The following CCDC61 variants were observed in gnomAD, a reference collection of about 807,000 sequenced individuals.
The protein encoded by CCDC61 is centrosomal protein CCDC61.
CCDC61 carries 55 observed loss-of-function variants against 63.0 expected under a neutral mutation model. The ratio of observed to expected loss-of-function variants is 0.87; its 90% CI spans 0.70 to 1.09. The LOEUF is 1.09. Ranked by LOEUF, CCDC61 falls within the 50% of genes least tolerant of loss-of-function variation. The probability of loss-of-function intolerance (pLI) is 0.00; values close to 1 mark genes in which losing one functional copy is unlikely to be tolerated. For missense variants in CCDC61, 651 were observed against 731.4 expected (o/e 0.89, Z 1.27); for synonymous variants, 270 against 317.0 (o/e 0.85, Z 1.58).
intron 1 of CCDC61, among the ~76,000 whole-genome samples, chr19:45,998,295 C>T (rs765544975): frequency 6.6e-6 from 1 of 152,218 alleles, no homozygotes; most frequent in Middle Eastern, 3.2e-3. Flanking sequence ...ATGCAGATTT[C>T]TGGGCCCACC....
intron 5 of CCDC61, among the ~76,000 whole-genome samples, chr19:46,014,798 GTGTGTGTGTGTCC>G (rs1226694452): frequency 1.3e-5 from 2 of 152,032 alleles, no homozygotes; most frequent in African/African-American, 4.8e-5. Flanking sequence ...GGGGAGGAGT[GTGTGTGTGTGTCC>G]TGTGCGTGGT....
chr19:46,016,909 A>C lies in CCDC61; in HGVS notation c.1231+76A>C. 4.3e-6 allele frequency: 1 copy of C among 231,804 alleles called. No homozygotes were observed. The highest frequency in any genetic ancestry group is 8.6e-6 in the Non-Finnish European group (1 of 115,866). 14.4% of individuals were successfully genotyped at this position (231,804 alleles called of 1,614,324 possible). On this transcript the variant is annotated intron_variant, in intron 10 of 13. Transcript: ENST00000595358. This position sits in a 1 kb window ranked among gnomAD's most constrained non-coding sequence, Gnocchi z 7.2. ...CTGGGCGGGCTGGGAGGCACTGGGC[A>C]GGGCGGGCGGGCTGGGAGGGCCTGG...
At chr19:46,009,712 C>T (rs866525207) in intron 5 of CCDC61, among the ~76,000 whole-genome samples, 73 of 152,320 alleles carry the variant, frequency 4.8e-4, no homozygotes, top group African/African-American at 1.7e-3. Flanking sequence ...GGAACCCCGC[C>T]GGTCTTTGGA....
At chr19:46,000,936 T>TGGCG (rs913403314) in intron 1 of CCDC61, among the ~76,000 whole-genome samples, 241 of 151,706 alleles carry the variant, frequency 1.6e-3, no homozygotes, top group African/African-American at 5.6e-3. Context: ...GGATGCGGTG[T>TGGCG]GGCGGGCCCC....
intron 4 of CCDC61, among the ~76,000 whole-genome samples, 184 bp from the exon 5 acceptor site, chr19:46,007,956 G>A (rs1206816849): frequency 1.3e-5 from 2 of 152,206 alleles, no homozygotes; most frequent in Non-Finnish European, 2.9e-5. Flanking sequence ...GCTTTCACAG[G>A]TGGTGACTGG....
chr19:46,004,056 A>G (rs1968649227), intron 3 of CCDC61, among the ~76,000 whole-genome samples: 1 of 151,836 alleles, frequency 6.6e-6, no homozygotes, highest in Non-Finnish European at 1.5e-5. Context: ...CTCCTGCCTC[A>G]GCCTCCTGAG....
In CCDC61 at chr19:46,018,020, G is replaced by A. The variant is rs1339642631; in HGVS notation, c.1369-58G>A. Reference sequence around the variant, plus strand: ...GGCTCAGGATTTCCAGTGGGATTTAGGGGGACAGAAATAGAGGGACGGTGG... The same window carrying A: ...GGCTCAGGATTTCCAGTGGGATTTAAGGGGACAGAAATAGAGGGACGGTGG... On this transcript the variant is annotated intron_variant, in intron 12 of 13. Coordinates refer to ENST00000595358, the MANE Select transcript of CCDC61 (RefSeq NM_001267723.2). The surrounding 1 kb of genome is among the most constrained non-coding windows in gnomAD (Gnocchi z 4.2). 4.1e-6 allele frequency: 6 copies of A among 1,458,692 alleles called. No individual in the cohort carries two copies. Among genetic ancestry groups the A allele is most frequent in the South Asian group, 1.3e-5 (1 of 78,486 alleles). 90.4% of individuals were successfully genotyped at this position (1,458,692 alleles called of 1,614,324 possible).
chr19:46,002,209 G>T (rs564309441), intron 1 of CCDC61, among the ~76,000 whole-genome samples: 4 of 152,176 alleles, frequency 2.6e-5, no homozygotes, highest in Non-Finnish European at 5.9e-5. Flanking sequence ...CTCCCAAAGT[G>T]CTGGGATTAC....
Position 46,018,113 on chromosome 19 carries a change from ATC to A in CCDC61, c.1408_1409del (p.Leu470GlyfsTer20), listed in dbSNP as rs1968985677. 3 of 1,610,890 alleles carry A rather than the reference ATC, an allele frequency of 1.9e-6. No homozygotes were observed. ...CCGTGGAACGCAGCCACCATCAGAA[ATC>A]TCTGGCCAACTCCGGGGGCTGGGTC... is the stretch of plus-strand genomic sequence containing the variant. ...PPVERSHHQK[S>X]LANSGGWVPI... On this transcript the variant is annotated frameshift_variant, in exon 13 of 14. Coordinates refer to ENST00000595358, the MANE Select transcript of CCDC61 (RefSeq NM_001267723.2). LOFTEE classifies it high-confidence loss of function. This position sits in a 1 kb window ranked among gnomAD's most constrained non-coding sequence, Gnocchi z 4.2.
At chr19:46,013,407 T>G (rs1968865566) in intron 5 of CCDC61, among the ~76,000 whole-genome samples, 1 of 152,044 alleles carries the variant, frequency 6.6e-6, no homozygotes, top group Non-Finnish European at 1.5e-5. Flanking sequence ...TCTGTCCGCC[T>G]TGGCCTCCCA....
At chr19:46,014,199 C>T (rs752311844) in intron 5 of CCDC61, among the ~76,000 whole-genome samples, 2 of 152,140 alleles carry the variant, frequency 1.3e-5, no homozygotes, top group Non-Finnish European at 2.9e-5. Flanking sequence ...GCCTCGGCCT[C>T]CCAAAGTGCT....
rs1968809495 is a variant in CCDC61 at position 46,010,568 on chromosome 19, G to A, written c.551+2267G>A. On this transcript the variant is annotated intron_variant, in intron 5 of 13. Transcript: ENST00000595358. ...CATCTGGCTGGAGCCTGTGGGAGAGGGAGGCAGGAGGAGAGGAGGGGAGAA... is the reference window on the plus strand; with the variant it reads ...CATCTGGCTGGAGCCTGTGGGAGAGAGAGGCAGGAGGAGAGGAGGGGAGAA... Among the ~76,000 whole-genome samples the A allele has an allele frequency of 3.9e-5, 6 of 152,332 alleles. No homozygotes were observed. In the South Asian group the frequency reaches 1.2e-3, roughly 32 times the overall value.
intron 4 of CCDC61, 22 bp from the exon 5 acceptor site, chr19:46,008,118 G>T (rs773296627): frequency 1.3e-6 from 2 of 1,583,284 alleles, no homozygotes; most frequent in East Asian, 2.3e-5. Flanking sequence ...GAGATGCCAC[G>T]GTTTTAATCC....
chr19:45,995,480 G>C lies in CCDC61; in HGVS notation c.-36G>C, dbSNP rs1421485308. The C allele has an allele frequency of 1.9e-6, 1 of 530,482 alleles. No individual in the cohort carries two copies. Among genetic ancestry groups the C allele is most frequent in the East Asian group, 5.5e-5 (1 of 18,196 alleles). The allele number at this position is 530,482 out of a possible 1,614,324, so 32.9% of individuals were successfully genotyped here. A position where few individuals can be genotyped will look rare whatever the true frequency, so the allele number is the denominator to read the frequency against. ...TGGAGCTTCGTCAGTTGAACCGCTC[G>C]CGAGGAGGGTTGCTAGTGGAGAAGG... On this transcript the variant is annotated 5_prime_UTR_variant, in exon 1 of 14. Coordinates refer to ENST00000595358, the MANE Select transcript of CCDC61 (RefSeq NM_001267723.2).
intron 3 of CCDC61, among the ~76,000 whole-genome samples, chr19:46,005,882 C>T (rs988740256): frequency 6.6e-6 from 1 of 151,244 alleles, no homozygotes. Flanking sequence ...CCGAGACCAT[C>T]GTCATACTTT....
chr19:46,017,549 G>T (rs1432426437), intron 12 of CCDC61, among the ~76,000 whole-genome samples: 7 of 151,734 alleles, frequency 4.6e-5, no homozygotes, highest in Middle Eastern at 3.4e-3. Flanking sequence ...AGGCTTTTTT[G>T]GGGGGGCAGG....
In CCDC61 at chr19:46,015,244, C is replaced by CG; in HGVS notation, c.747_748insG (p.Arg250AlafsTer153). On this transcript the variant is annotated frameshift_variant, in exon 6 of 14. Coordinates refer to ENST00000595358, the MANE Select transcript of CCDC61 (RefSeq NM_001267723.2). LOFTEE classifies it high-confidence loss of function. The surrounding 1 kb of genome is among the most constrained non-coding windows in gnomAD (Gnocchi z 5.3). ...CCGGCCGTCGCGGCCAGGACTGCCG[C>CG]CGTCTGGCCAAGGAGGTGAGCAGCG... The CG allele has an allele frequency of 7.1e-7, 1 of 1,407,896 alleles. No homozygotes were observed. The highest frequency in any genetic ancestry group is 9.2e-7 in the Non-Finnish European group (1 of 1,087,180). The allele number at this position is 1,407,896 out of a possible 1,614,324, so 87.2% of individuals were successfully genotyped here. A position where few individuals can be genotyped will look rare whatever the true frequency, so the allele number is the denominator to read the frequency against.
intron 3 of CCDC61, among the ~76,000 whole-genome samples, chr19:46,006,313 C>T (rs1179262458): frequency 6.6e-6 from 1 of 152,244 alleles, no homozygotes; most frequent in Non-Finnish European, 1.5e-5. Flanking sequence ...GATCTGGAGA[C>T]AGCACTCAGA....
intron 5 of CCDC61, among the ~76,000 whole-genome samples, chr19:46,008,679 G>A (rs571666571): frequency 1.3e-5 from 2 of 152,326 alleles, no homozygotes; most frequent in South Asian, 4.1e-4. Flanking sequence ...AAAGTGCTGG[G>A]ATTACAGGCA....
Sources: allele counts gnomAD v4.1 joint callset (sites outside exome capture counted in the v4.1 genomes callset), GRCh38; gene constraint gnomAD v4.1.1; non-coding constraint Gnocchi (gnomAD v3.1); transcripts MANE v1.5; gene names NCBI Gene and HGNC (gene_info 2026-07-23, HGNC 2026-07-21).